SEC31A: variants seen among roughly 807,000 people sequenced by gnomAD.
The protein encoded by SEC31A is SEC31 homolog A, COPII component.
In SEC31A, 70 loss-of-function variants were observed where a neutral mutation model predicts 151.0. That is an observed-to-expected ratio of 0.46 (90% CI 0.38 to 0.57). SEC31A has a LOEUF of 0.57. Ranked by LOEUF, SEC31A falls within the 20% of genes least tolerant of loss-of-function variation. The pLI, the probability that SEC31A is intolerant of heterozygous loss-of-function variation, is 0.00. For synonymous variants in SEC31A, 475 were observed against 505.9 expected (o/e 0.94, Z 0.82); for missense variants, 1,330 against 1,471.2 (o/e 0.90, Z 1.57).
At chr4:82,876,486 T>C (rs1737991733) in intron 4 of SEC31A, among the ~76,000 whole-genome samples, 1 of 152,216 alleles carries the variant, frequency 6.6e-6, no homozygotes, top group Non-Finnish European at 1.5e-5. Flanking sequence ...GGAGATTTAA[T>C]TATAAGATTA....
intron 22 of SEC31A, 118 bp from the exon 23 acceptor site, chr4:82,829,176 G>C (rs1287493781): frequency 1.3e-6 from 1 of 761,964 alleles, no homozygotes; most frequent in Non-Finnish European, 2.2e-6. Flanking sequence ...CTGTCACAAA[G>C]GTTTTACCAG....
At chr4:82,836,254 T>C (rs1257833840) in intron 22 of SEC31A, among the ~76,000 whole-genome samples, 1 of 150,582 alleles carries the variant, frequency 6.6e-6, no homozygotes, top group Non-Finnish European at 1.5e-5. Flanking sequence ...ATGCCTGTAG[T>C]CCCAGCTACT....
chr4:82,895,328 G>T (rs1720019858), upstream of SEC31A: 1 of 152,124 alleles, frequency 6.6e-6, no homozygotes, highest in African/African-American at 2.4e-5. Flanking sequence ...AAATTAGCTG[G>T]GTGTGGTGGC....
chr4:82,839,230 A>G (rs1728184238), intron 22 of SEC31A, among the ~76,000 whole-genome samples: 1 of 151,682 alleles, frequency 6.6e-6, no homozygotes, highest in African/African-American at 2.4e-5. Flanking sequence ...GGCTCACTTC[A>G]ATCTCCGCCT....
In SEC31A at chr4:82,857,808, T is replaced by C. The variant is rs1011873249; in HGVS notation, c.1627-44A>G. The stretch of plus-strand genomic sequence containing the variant: ...CAACAATTTAGCCAGAATAAAACTG[T>C]GGAATGATTTACTGACAAAAAAAAT... On this transcript the variant is annotated intron_variant, in intron 14 of 26. Transcript: ENST00000395310. The C allele has an allele frequency of 4.0e-6, 5 of 1,259,530 alleles. No individual in the cohort carries two copies. The East Asian group carries it at 7.0e-5, about 18-fold the overall frequency. 78.0% of individuals were successfully genotyped at this position (1,259,530 alleles called of 1,614,324 possible). A position where few individuals can be genotyped will look rare whatever the true frequency, so the allele number is the denominator to read the frequency against.
chr4:82,827,096 T>G (rs1724780136), intron 24 of SEC31A, among the ~76,000 whole-genome samples: 1 of 152,236 alleles, frequency 6.6e-6, no homozygotes, highest in Non-Finnish European at 1.5e-5. Context: ...CAGAGATGAT[T>G]TATCTGATTT....
At chr4:82,874,075 A>G (rs1202663915) in intron 6 of SEC31A, among the ~76,000 whole-genome samples, 1 of 152,112 alleles carries the variant, frequency 6.6e-6, no homozygotes, top group Non-Finnish European at 1.5e-5. Context: ...CGAGGCAGGC[A>G]GATCACGAGG....
upstream of SEC31A, among the ~76,000 whole-genome samples, chr4:82,892,479 C>G (rs146355527): frequency 3.2e-3 from 484 of 152,360 alleles, 6 homozygotes; most frequent in African/African-American, 0.011. Context: ...ACTTTCAAAT[C>G]TAATCACATC....
At chr4:82,827,937 T>TA (rs1162690955) in intron 23 of SEC31A, among the ~76,000 whole-genome samples, 2 of 151,322 alleles carry the variant, frequency 1.3e-5, no homozygotes, top group Admixed American at 6.6e-5. Flanking sequence ...TTTTTTGAGA[T>TA]AGAGTCCCGC....
At chr4:82,849,094 G>A (rs1730854890) in intron 19 of SEC31A, 117 bp from the exon 20 acceptor site, 2 of 915,008 alleles carry the variant, frequency 2.2e-6, no homozygotes, top group South Asian at 3.3e-5. Context: ...ATAATGCTGG[G>A]TATTATACAA....
rs746785496 is a variant in SEC31A, at chr4:82,866,900, G to C, written c.1105C>G (p.Gln369Glu). Residue 369 changes from glutamine (Q) to glutamate (E), a missense_variant, in exon 10 of 27, where the codon CAA becomes GAA. Physicochemically the swap from Gln to Glu is conservative, Grantham distance 29. Transcript: ENST00000395310. ...FGTGQPLPPL[Q>E]IPQQTAQHSI... ...TGCTGAGCAGTCTGCTGTGGAATTT[G>C]TAACGGAGGAAGGGGCTGTCCTGTG... The C allele has an allele frequency of 1.3e-5, 21 of 1,614,180 alleles. 1 individual carries two copies. The South Asian group carries it at 2.0e-4, about 15-fold the overall frequency.
At chr4:82,874,789 C>A (rs770711761) in intron 5 of SEC31A, 38 bp from the exon 6 acceptor site, 1 of 1,576,940 alleles carries the variant, frequency 6.3e-7, no homozygotes, top group East Asian at 2.3e-5. Flanking sequence ...CTGCTTGTTT[C>A]TCTATTATAA....
At chr4:82,895,068 T>G (rs1361956285), upstream of SEC31A, 1 of 152,254 alleles carries the variant, frequency 6.6e-6, no homozygotes, top group African/African-American at 2.4e-5. Context: ...TTTTCTACTG[T>G]TCCTGAACAG....
At position 82,891,146 on chromosome 4, in the gene SEC31A, C is replaced by T. The variant is rs1719678753; in HGVS notation, c.-63G>A. On this transcript the variant is annotated 5_prime_UTR_variant, in exon 1 of 27. Coordinates refer to ENST00000395310, the MANE Select transcript of SEC31A (RefSeq NM_001077207.4). ...TAGTGCAGCGCTCGTCGGACTCTCC[C>T]AGCATTCGCCGCCGCCCCTCCTCCC... The T allele has an allele frequency of 3.3e-6, 5 of 1,535,720 alleles. No individual in the cohort carries two copies. Among genetic ancestry groups the T allele is most frequent in the Non-Finnish European group, 4.4e-6 (5 of 1,146,748 alleles).
chr4:82,855,696 A>T (rs879551670), intron 16 of SEC31A, among the ~76,000 whole-genome samples: 5 of 152,206 alleles, frequency 3.3e-5, no homozygotes, highest in Admixed American at 1.3e-4. Context: ...GGAACAGAAA[A>T]CCAAATACCG....
intron 22 of SEC31A, among the ~76,000 whole-genome samples, chr4:82,833,290 C>T (rs1726411805): frequency 6.6e-6 from 1 of 152,082 alleles, no homozygotes; most frequent in Non-Finnish European, 1.5e-5. Flanking sequence ...TCATTCTCAG[C>T]AAACTATCAC....
At chr4:82,855,071 A>G in intron 16 of SEC31A, 42 bp from the exon 17 acceptor site, 3 of 1,531,356 alleles carry the variant, frequency 2.0e-6, no homozygotes, top group Non-Finnish European at 1.8e-6. Context: ...AGTCTTTAAC[A>G]TAGCAATAAA....
At chr4:82,866,163 A>G (rs531232864) in intron 10 of SEC31A, among the ~76,000 whole-genome samples, 12 of 151,996 alleles carry the variant, frequency 7.9e-5, no homozygotes, top group African/African-American at 2.9e-4. Context: ...GAGAGAGAGA[A>G]GGAAGACAAA....
intron 22 of SEC31A, among the ~76,000 whole-genome samples, chr4:82,835,267 T>A (rs1726929588): frequency 2.0e-5 from 3 of 152,152 alleles, no homozygotes; most frequent in Non-Finnish European, 2.9e-5. Flanking sequence ...GACAGTACTA[T>A]GGAGATTCAT....
Sources: gnomAD v4.1 joint callset for allele counts (sites outside exome capture counted in the v4.1 genomes callset) on GRCh38, gnomAD v4.1.1 for gene constraint, MANE v1.5 for transcripts, NCBI Gene and HGNC (gene_info 2026-07-23, HGNC 2026-07-21) for gene names.